The following GRM1 variants were observed in gnomAD, a reference collection of about 807,000 sequenced individuals.
The protein encoded by GRM1 is metabotropic glutamate receptor 1.
GRM1 carries 33 observed loss-of-function variants against 90.9 expected under a neutral mutation model. The ratio of observed to expected loss-of-function variants is 0.36; its 90% CI spans 0.28 to 0.49. The LOEUF (loss-of-function observed/expected upper bound fraction) is 0.49. Among genes scored for constraint, GRM1 ranks in the 20% least tolerant of loss-of-function variants. The pLI is 0.99. For missense variants in GRM1, 1,190 were observed against 1,534.3 expected (o/e 0.78, Z 3.75); for synonymous variants, 700 against 613.2 (o/e 1.14, Z -2.09).
intron 5 of GRM1, among the ~76,000 whole-genome samples, chr6:146,375,120 T>A (rs1239228882): frequency 6.6e-6 from 1 of 152,100 alleles, no homozygotes; most frequent in Non-Finnish European, 1.5e-5. Flanking sequence ...TGTTAATTTC[T>A]TTATTGACCC....
In GRM1 at chr6:146,146,103, C is replaced by CTTTTTTTTTTTTTTTTTT. The variant is rs35329703; in HGVS notation, c.701-13226_701-13209dup. Among the ~76,000 whole-genome samples, 65 of 19,988 alleles carry CTTTTTTTTTTTTTTTTTT rather than the reference C, an allele frequency of 3.3e-3. 29 individuals carry two copies. Among genetic ancestry groups the CTTTTTTTTTTTTTTTTTT allele is most frequent in the Non-Finnish European group, 5.2e-3 (49 of 9,440 alleles). The allele number at this position is 19,988 out of a possible 152,430, so 13.1% of individuals were successfully genotyped here. A position where few individuals can be genotyped will look rare whatever the true frequency, so the allele number is the denominator to read the frequency against. On this transcript the variant is annotated intron_variant, in intron 1 of 7. Transcript: ENST00000282753. ...CTGTGCCTATGTACTACCATTGTAT[C>CTTTTTTTTTTTTTTTTTT]TTTTTTTTTTTTTTTTTTTTTTTTT...
intron 3 of GRM1, among the ~76,000 whole-genome samples, chr6:146,310,588 G>A (rs575144012): frequency 1.3e-4 from 20 of 152,192 alleles, no homozygotes; most frequent in East Asian, 5.8e-4. Flanking sequence ...ATCTCTCCTC[G>A]AGAGGTAGAG....
At chr6:146,341,160 G>A (rs560919779) in intron 3 of GRM1, among the ~76,000 whole-genome samples, 35 of 152,236 alleles carry the variant, frequency 2.3e-4, no homozygotes, top group African/African-American at 8.4e-4. Context: ...TGAGTTAAAG[G>A]TATCCATTGC....
intron 7 of GRM1, among the ~76,000 whole-genome samples, chr6:146,425,511 C>A (rs1428354467): frequency 7.2e-6 from 1 of 139,058 alleles, no homozygotes; most frequent in Admixed American, 7.2e-5. Context: ...TGGTCCTCTT[C>A]CAGGTTACCC....
At chr6:146,313,957 G>A (rs1783866150) in intron 3 of GRM1, among the ~76,000 whole-genome samples, 1 of 145,284 alleles carries the variant, frequency 6.9e-6, no homozygotes, top group South Asian at 2.2e-4. Context: ...TTTTATAAAA[G>A]AGTACATTAT....
Position 146,292,660 on chromosome 6 carries a change from T to C in GRM1, c.951-11951T>C, listed in dbSNP as rs185087569. Among the ~76,000 whole-genome samples, 122 of 152,070 alleles carry C rather than the reference T, an allele frequency of 8.0e-4. 1 individual carries two copies. The South Asian group carries it at 0.012, about 16-fold the overall frequency. On this transcript the variant is annotated intron_variant, in intron 2 of 7. Transcript: ENST00000282753. ...GTACAAAAATGAAACCCTTGTACAT[T>C]GCTGGTGGGAATGTAGAATAGTGCA...
At chr6:146,400,451 A>T (rs1021338057) in intron 7 of GRM1, among the ~76,000 whole-genome samples, 5 of 152,214 alleles carry the variant, frequency 3.3e-5, no homozygotes, top group African/African-American at 1.2e-4. Context: ...CCCAATCTTG[A>T]GACTTTGTGT....
chr6:146,328,628 C>A (rs1784479451), intron 3 of GRM1, among the ~76,000 whole-genome samples: 1 of 152,188 alleles, frequency 6.6e-6, no homozygotes, highest in African/African-American at 2.4e-5. Flanking sequence ...CACTATTTTA[C>A]TTATCTAATC....
chr6:146,343,096 G>A (rs1785041138), intron 3 of GRM1, among the ~76,000 whole-genome samples: 1 of 151,570 alleles, frequency 6.6e-6, no homozygotes, highest in Non-Finnish European at 1.5e-5. Flanking sequence ...TGATATCTTT[G>A]ACAGTTTGTA....
intron 1 of GRM1, among the ~76,000 whole-genome samples, chr6:146,111,880 CTT>C (rs1265770870): frequency 6.6e-6 from 1 of 152,188 alleles, no homozygotes; most frequent in East Asian, 1.9e-4. Context: ...ATAGTTAACA[CTT>C]TAACTGTTTA....
intron 1 of GRM1, among the ~76,000 whole-genome samples, chr6:146,114,943 G>A (rs1253788258): frequency 6.6e-6 from 1 of 151,962 alleles, no homozygotes; most frequent in African/African-American, 2.4e-5. Flanking sequence ...TGGATATAAG[G>A]TTTATCAAAG....
intron 7 of GRM1, among the ~76,000 whole-genome samples, chr6:146,428,655 A>G (rs1382844702): frequency 2.0e-5 from 3 of 152,186 alleles, no homozygotes. Context: ...ATTTAAGTTC[A>G]TCTATACTTC....
intron 3 of GRM1, among the ~76,000 whole-genome samples, chr6:146,327,024 C>T (rs1326451532): frequency 1.3e-5 from 2 of 152,156 alleles, no homozygotes; most frequent in African/African-American, 2.4e-5. Context: ...TCTATATACT[C>T]CACAATCAGT....
chr6:146,247,750 CAAAA>C (rs770414091), intron 2 of GRM1, among the ~76,000 whole-genome samples: 1 of 57,344 alleles, frequency 1.7e-5, no homozygotes. Flanking sequence ...GACTCCATCT[CAAAA>C]AAAAAAAAAA....
intron 1 of GRM1, among the ~76,000 whole-genome samples, chr6:146,034,650 C>T (rs1304739490): frequency 1.3e-5 from 2 of 151,852 alleles, no homozygotes; most frequent in African/African-American, 2.4e-5. Context: ...TAACCATATA[C>T]GTTAAAACCT....
At chr6:146,284,603 G>T (rs1782692247) in intron 2 of GRM1, among the ~76,000 whole-genome samples, 1 of 152,198 alleles carries the variant, frequency 6.6e-6, no homozygotes, top group Non-Finnish European at 1.5e-5. Context: ...GAATCATGGA[G>T]ACGATTTCCC....
chr6:146,062,793 G>A (rs1775719591), intron 1 of GRM1, among the ~76,000 whole-genome samples: 1 of 151,952 alleles, frequency 6.6e-6, no homozygotes, highest in African/African-American at 2.4e-5. Context: ...TCTACAATCT[G>A]CTCTTATTCT....
At position 146,435,222 on chromosome 6, in the gene GRM1, G is replaced by A. The variant is rs1466067161; in HGVS notation, c.*426G>A. ...CGTGGACATGCCAGTCGGATCATGA[G>A]TTCACCTGATGGCATTCGGAGTGAG... On this transcript the variant is annotated 3_prime_UTR_variant, in exon 8 of 8. Coordinates refer to ENST00000282753, the MANE Select transcript of GRM1 (RefSeq NM_001278064.2). The A allele has an allele frequency of 2.1e-5, 7 of 329,730 alleles. No homozygotes were observed. The highest frequency in any genetic ancestry group is 1.5e-4 in the African/African-American group (7 of 46,460). 20.4% of individuals were successfully genotyped at this position (329,730 alleles called of 1,614,324 possible). A position where few individuals can be genotyped will look rare whatever the true frequency, so the allele number is the denominator to read the frequency against.
chr6:146,063,392 A>G (rs1437377230), intron 1 of GRM1, among the ~76,000 whole-genome samples: 1 of 152,170 alleles, frequency 6.6e-6, no homozygotes, highest in African/African-American at 2.4e-5. Context: ...AAGATTATTG[A>G]ATTGAATATT....
Sources: allele counts gnomAD v4.1 joint callset (sites outside exome capture counted in the v4.1 genomes callset), GRCh38; gene constraint gnomAD v4.1.1; transcripts MANE v1.5; gene names NCBI Gene and HGNC (gene_info 2026-07-23, HGNC 2026-07-21).